The following COL22A1 variants were observed in gnomAD, a reference collection of about 807,000 sequenced individuals.
The protein encoded by COL22A1 is collagen alpha-1(XXII) chain.
Under a neutral mutation model 248.9 loss-of-function variants are expected in COL22A1, and 221 were observed. That is an observed-to-expected ratio of 0.89 (90% CI 0.80 to 0.99). COL22A1 has a LOEUF of 0.99. Among genes scored for constraint, COL22A1 ranks in the 50% least tolerant of loss-of-function variants. COL22A1 has a pLI of 0.00. For synonymous variants in COL22A1, 891 were observed against 793.4 expected, an observed-to-expected ratio of 1.12 and a Z score of -2.07; for missense variants, 2,240 against 2,179.0, an observed-to-expected ratio of 1.03 and a Z score of -0.56.
intron 26 of COL22A1, among the ~76,000 whole-genome samples, chr8:138,721,393 A>G (rs527493394): frequency 6.6e-6 from 1 of 152,340 alleles, no homozygotes; most frequent in Admixed American, 6.5e-5. Flanking sequence ...GTATGGTTGT[A>G]TAATAATTCA....
intron 50 of COL22A1, among the ~76,000 whole-genome samples, chr8:138,628,692 A>G (rs1820455782): frequency 6.6e-6 from 1 of 152,138 alleles, no homozygotes; most frequent in East Asian, 1.9e-4. Context: ...GTCCCATGAC[A>G]GAATCAAAGT....
chr8:138,797,726 C>A (rs183141696), intron 11 of COL22A1, among the ~76,000 whole-genome samples: 1 of 152,238 alleles, frequency 6.6e-6, no homozygotes, highest in East Asian at 1.9e-4. Context: ...AATTTCTCCA[C>A]ATTCCTAGTT....
At chr8:138,722,265 AT>A (rs1218257148) in intron 25 of COL22A1, 176 bp from the exon 26 acceptor site, 7 of 597,030 alleles carry the variant, frequency 1.2e-5, no homozygotes, top group East Asian at 8.9e-5. Context: ...GTCTGACCAC[AT>A]TTCCCTTTGT....
At chr8:138,599,114 T>C (rs539323352) in intron 60 of COL22A1, among the ~76,000 whole-genome samples, 1 of 152,072 alleles carries the variant, frequency 6.6e-6, no homozygotes, top group African/African-American at 2.4e-5. Context: ...AGGCTGAGGC[T>C]GGCAGATCAT....
chr8:138,664,207 G>GCACACA (rs1389915577), intron 41 of COL22A1, among the ~76,000 whole-genome samples: 10 of 87,600 alleles, frequency 1.1e-4, no homozygotes, highest in South Asian at 9.5e-4. Flanking sequence ...GCGCGCGCGC[G>GCACACA]CGCACACACA....
At chr8:138,767,857 C>T (rs1834031481) in intron 16 of COL22A1, among the ~76,000 whole-genome samples, 1 of 152,252 alleles carries the variant, frequency 6.6e-6, no homozygotes, top group African/African-American at 2.4e-5. Flanking sequence ...TCTGAAACCT[C>T]GCTGCTGATC....
chr8:138,665,252 T>C (rs1169229543), intron 41 of COL22A1, among the ~76,000 whole-genome samples: 4 of 152,194 alleles, frequency 2.6e-5, no homozygotes, highest in South Asian at 2.1e-4. Flanking sequence ...AGGACTCTGA[T>C]AGCTGTGCAG....
At chr8:138,640,999 C>A (rs1821636573) in intron 47 of COL22A1, among the ~76,000 whole-genome samples, 1 of 152,204 alleles carries the variant, frequency 6.6e-6, no homozygotes, top group African/African-American at 2.4e-5. Context: ...GTGTTCGCTG[C>A]AAGCTTGTAG....
chr8:138,771,756 A>G (rs1451527810), intron 16 of COL22A1, among the ~76,000 whole-genome samples: 1 of 152,206 alleles, frequency 6.6e-6, no homozygotes, highest in Non-Finnish European at 1.5e-5. Context: ...ACGGCTTCAG[A>G]GAAGACATTA....
At chr8:138,770,085 C>G (rs778271048) in intron 16 of COL22A1, among the ~76,000 whole-genome samples, 1 of 152,286 alleles carries the variant, frequency 6.6e-6, no homozygotes, top group Non-Finnish European at 1.5e-5. Flanking sequence ...AAGGTACCTG[C>G]ACTGGTGGAG....
intron 56 of COL22A1, among the ~76,000 whole-genome samples, chr8:138,613,224 G>A (rs1168255718): frequency 4.0e-5 from 6 of 150,676 alleles, no homozygotes; most frequent in Non-Finnish European, 8.9e-5. Context: ...CTGCAGCCTG[G>A]GTGACAGAGC....
chr8:138,707,522 C>T (rs566161145), intron 30 of COL22A1, among the ~76,000 whole-genome samples: 2 of 152,212 alleles, frequency 1.3e-5, no homozygotes, highest in South Asian at 4.2e-4. Context: ...ATAAACAGAA[C>T]CAAAGACAAA....
intron 43 of COL22A1, 133 bp downstream of exon 43, chr8:138,661,897 G>C: frequency 1.8e-6 from 1 of 564,926 alleles, no homozygotes; most frequent in Non-Finnish European, 3.2e-6. Flanking sequence ...ATGTCCATGG[G>C]GCTTCCTGGA....
intron 62 of COL22A1, among the ~76,000 whole-genome samples, chr8:138,594,862 C>T (rs921148738): frequency 6.6e-6 from 1 of 152,046 alleles, no homozygotes; most frequent in Non-Finnish European, 1.5e-5. Flanking sequence ...ATGTCAAAGT[C>T]CTCATCTATA....
intron 3 of COL22A1, among the ~76,000 whole-genome samples, chr8:138,856,249 A>T (rs976227886): frequency 1.3e-5 from 2 of 152,186 alleles, no homozygotes; most frequent in African/African-American, 4.8e-5. Flanking sequence ...CTCCCAACAG[A>T]CTGCATGTCT....
At chr8:138,724,490 C>T (rs888487712) in intron 25 of COL22A1, 125 bp downstream of exon 25, 28 of 888,250 alleles carry the variant, frequency 3.2e-5, no homozygotes, top group Non-Finnish European at 1.8e-6. Flanking sequence ...GGCTGCAGGC[C>T]TTGCTGGCCA....
chr8:138,591,357 C>A, intron 64 of COL22A1, 67 bp downstream of exon 64: 1 of 1,237,378 alleles, frequency 8.1e-7, no homozygotes, highest in East Asian at 2.8e-5. Flanking sequence ...TGTGGGGCCA[C>A]GGGCAGGGGT....
At position 138,625,680 on chromosome 8, in the gene COL22A1, C is replaced by T. The variant is rs143682180; in HGVS notation, c.3717+510G>A. ...AAAATGCTATGCATACAAAATTGTCCGTTGTAGTTGCTTTTTAAAATAATT... is the reference window on the plus strand; with the variant it reads ...AAAATGCTATGCATACAAAATTGTCTGTTGTAGTTGCTTTTTAAAATAATT... On this transcript the variant is annotated intron_variant, in intron 51 of 64. Transcript: ENST00000303045. 5.8e-3 allele frequency among the ~76,000 whole-genome samples: 888 copies of T among 152,166 alleles called. 3 individuals are homozygous for T. Among genetic ancestry groups the T allele is most frequent in the Non-Finnish European group, 8.9e-3 (603 of 68,004 alleles).
At chr8:138,727,090 G>C (rs1317079834) in intron 23 of COL22A1, among the ~76,000 whole-genome samples, 1 of 152,262 alleles carries the variant, frequency 6.6e-6, no homozygotes, top group East Asian at 1.9e-4. Context: ...GCTCATTTTA[G>C]AACAGCCAGT....
Sources: gnomAD v4.1 joint callset for allele counts (sites outside exome capture counted in the v4.1 genomes callset) on GRCh38, gnomAD v4.1.1 for gene constraint, MANE v1.5 for transcripts, NCBI Gene and HGNC (gene_info 2026-07-23, HGNC 2026-07-21) for gene names.